The following SHTN1 variants were observed in gnomAD, a reference collection of about 807,000 sequenced individuals.
The protein encoded by SHTN1 is shootin-1.
SHTN1 carries 42 observed loss-of-function variants against 83.1 expected under a neutral mutation model. The observed-to-expected ratio is 0.51, with a 90% confidence interval of 0.39 to 0.65. SHTN1 has a LOEUF of 0.65. SHTN1 is among the 30% of genes least tolerant of loss of function. The probability of loss-of-function intolerance (pLI) is 0.00; values close to 1 mark genes in which losing one functional copy is unlikely to be tolerated. For synonymous variants in SHTN1, 224 were observed against 247.7 expected (o/e 0.90, Z 0.90); for missense variants, 622 against 737.8 (o/e 0.84, Z 1.82).
At chr10:117,111,578 C>A (rs1853769104) in intron 1 of SHTN1, among the ~76,000 whole-genome samples, 2 of 152,050 alleles carry the variant, frequency 1.3e-5, no homozygotes, top group South Asian at 4.2e-4. Flanking sequence ...AGGCGTGAGC[C>A]ACTGCACCTG....
At chr10:117,100,040 G>C (rs1395235899) in intron 1 of SHTN1, among the ~76,000 whole-genome samples, 2 of 152,078 alleles carry the variant, frequency 1.3e-5, no homozygotes, top group African/African-American at 4.8e-5. Flanking sequence ...AGCCAGGCAT[G>C]GTGGTACATG....
intron 1 of SHTN1, among the ~76,000 whole-genome samples, chr10:117,082,259 G>T: frequency 2.7e-5 from 3 of 111,422 alleles, no homozygotes; most frequent in African/African-American, 6.6e-5. Flanking sequence ...TGGTTTCAAA[G>T]AACATCTTTA....
At chr10:116,915,088 GA>G (rs926931463) in intron 13 of SHTN1, among the ~76,000 whole-genome samples, 3 of 152,160 alleles carry the variant, frequency 2.0e-5, no homozygotes, top group Admixed American at 1.3e-4. Flanking sequence ...TCAAAGAAAA[GA>G]AAGGATGTGA....
rs532769291 is a variant in SHTN1, at chr10:117,064,571, C to T, written c.-188-16061G>A. ...TTGGGAGGCTGAGGCAGGAGAATCG[C>T]TTGAACCCGTGAGGCAGAGGTTGTA... On this transcript the variant is annotated intron_variant, in intron 1 of 17. Transcript: ENST00000392901. 1.8e-4 allele frequency among the ~76,000 whole-genome samples: 27 copies of T among 151,308 alleles called. No individual in the cohort carries two copies. In the South Asian group the frequency reaches 5.6e-3, roughly 32 times the overall value.
intron 8 of SHTN1, 80 bp downstream of exon 8, chr10:116,944,844 T>TG: frequency 1.2e-6 from 1 of 858,088 alleles, no homozygotes; most frequent in Admixed American, 1.8e-5. Flanking sequence ...TGAGCCGAGA[T>TG]TGCGCCACTG....
chr10:117,116,225 T>C (rs1589938687), intron 1 of SHTN1, among the ~76,000 whole-genome samples: 1 of 148,830 alleles, frequency 6.7e-6, no homozygotes, highest in Non-Finnish European at 1.5e-5. Flanking sequence ...AGAATCAAAA[T>C]AGGAAACACA....
intron 1 of SHTN1, among the ~76,000 whole-genome samples, chr10:117,121,114 A>G (rs1267049060): frequency 1.3e-5 from 2 of 152,156 alleles, no homozygotes; most frequent in Admixed American, 1.3e-4. Context: ...CCATTTACAA[A>G]TTATATAAAT....
chr10:117,008,912 G>C (rs1852061226), upstream of SHTN1, among the ~76,000 whole-genome samples: 1 of 152,168 alleles, frequency 6.6e-6, no homozygotes, highest in Non-Finnish European at 1.5e-5. Context: ...TCAGGAGTTT[G>C]AGACCAGCCT....
chr10:117,015,907 A>G (rs940781149), intron 2 of SHTN1, among the ~76,000 whole-genome samples: 3 of 152,194 alleles, frequency 2.0e-5, no homozygotes, highest in Admixed American at 6.5e-5. Context: ...AAGGTCCTCA[A>G]TGTGGATTCC....
At chr10:116,920,898 C>T (rs896108211) in intron 12 of SHTN1, among the ~76,000 whole-genome samples, 6 of 152,178 alleles carry the variant, frequency 3.9e-5, no homozygotes, top group African/African-American at 1.2e-4. Flanking sequence ...AAAGGCACAA[C>T]TACTCAGCTT....
chr10:117,095,189 T>C (rs898076512), intron 1 of SHTN1, among the ~76,000 whole-genome samples: 4 of 152,190 alleles, frequency 2.6e-5, no homozygotes, highest in Non-Finnish European at 5.9e-5. Flanking sequence ...TGCTACTAAT[T>C]AGGCAGTGAC....
intron 2 of SHTN1, chr10:117,048,379 A>T (rs1852697278): frequency 1.9e-6 from 1 of 523,412 alleles, no homozygotes; most frequent in Non-Finnish European, 2.5e-6. Flanking sequence ...TAAATTCTAG[A>T]TAGGAAAGAT....
chr10:116,962,039 G>GC (rs1270097380), intron 3 of SHTN1, among the ~76,000 whole-genome samples: 2 of 147,104 alleles, frequency 1.4e-5, no homozygotes, highest in African/African-American at 5.2e-5. Context: ...GTGTGTTGAA[G>GC]CTCCCCCCCC....
rs377129220 is a variant in SHTN1, at chr10:117,073,942, A to G, written c.-188-25432T>C. On this transcript the variant is annotated intron_variant, in intron 1 of 17. Transcript: ENST00000392901. ...TACAAATAGAGCTCCCGCTGCCTAT[A>G]TCCCAGAATGCCTGCAGTCATTGCA... is the stretch of plus-strand genomic sequence containing the variant. Among the ~76,000 whole-genome samples, 4 of 152,274 alleles carry G rather than the reference A, an allele frequency of 2.6e-5. No homozygotes were observed. In the East Asian group the frequency reaches 5.8e-4, roughly 22 times the overall value.
chr10:116,991,489 G>A (rs1191684738), intron 1 of SHTN1, among the ~76,000 whole-genome samples: 1 of 152,148 alleles, frequency 6.6e-6, no homozygotes, highest in African/African-American at 2.4e-5. Context: ...GCGATCATAC[G>A]GTGAGAGAGG....
chr10:117,033,992 A>C (rs1852458169), intron 2 of SHTN1, among the ~76,000 whole-genome samples: 1 of 152,140 alleles, frequency 6.6e-6, no homozygotes, highest in Non-Finnish European at 1.5e-5. Context: ...CATGAGAAAA[A>C]CTCTAAAAAA....
At chr10:116,907,675 A>C (rs1218396453) in intron 14 of SHTN1, among the ~76,000 whole-genome samples, 1 of 152,186 alleles carries the variant, frequency 6.6e-6, no homozygotes, top group Non-Finnish European at 1.5e-5. Context: ...ATTTCTTAGA[A>C]ACGGTCCTTC....
chr10:117,072,125 C>T (rs890564850), intron 1 of SHTN1, among the ~76,000 whole-genome samples: 1 of 152,092 alleles, frequency 6.6e-6, no homozygotes, highest in Non-Finnish European at 1.5e-5. Context: ...TTCAAATATG[C>T]GGATGGGAAA....
chr10:117,004,602 C>T (rs1303602025), intron 1 of SHTN1, among the ~76,000 whole-genome samples: 1 of 152,198 alleles, frequency 6.6e-6, no homozygotes, highest in Non-Finnish European at 1.5e-5. Flanking sequence ...GCCCTACAGG[C>T]CACCCAGCGC....
Sources: allele counts gnomAD v4.1 joint callset (sites outside exome capture counted in the v4.1 genomes callset), GRCh38; gene constraint gnomAD v4.1.1; transcripts MANE v1.5; gene names NCBI Gene and HGNC (gene_info 2026-07-23, HGNC 2026-07-21).